The following ENY2 variants were observed in gnomAD, a reference collection of about 807,000 sequenced individuals.
ENY2 encodes ENY2 transcription and export complex 2 subunit, also known as transcription and mRNA export factor ENY2.
Under a neutral mutation model 15.9 loss-of-function variants are expected in ENY2, and 4 were observed. The ratio of observed to expected loss-of-function variants is 0.25; its 90% CI spans 0.12 to 0.57. The LOEUF is 0.57. ENY2 is among the 20% of genes least tolerant of loss of function. ENY2 has a pLI of 0.91. For missense variants in ENY2, 54 were observed against 117.2 expected, an observed-to-expected ratio of 0.46 and a Z score of 2.49; for synonymous variants, 48 against 38.0, an observed-to-expected ratio of 1.26 and a Z score of -0.97.
At chr8:109,341,685 T>C (rs1816115228) in intron 4 of ENY2, among the ~76,000 whole-genome samples, 1 of 152,182 alleles carries the variant, frequency 6.6e-6, no homozygotes, top group South Asian at 2.1e-4. Context: ...GAAGTAAAAA[T>C]AGATATTTTA....
At chr8:109,342,654 C>G (rs1486454770) in intron 4 of ENY2, 6 of 691,132 alleles carry the variant, frequency 8.7e-6, no homozygotes, top group African/African-American at 7.1e-5. Context: ...ACCACAGACA[C>G]ACACCACCAT....
At chr8:109,337,793 G>A (rs889515331) in intron 2 of ENY2, among the ~76,000 whole-genome samples, 3 of 152,158 alleles carry the variant, frequency 2.0e-5, no homozygotes, top group Non-Finnish European at 4.4e-5. Flanking sequence ...CAGCTACTCA[G>A]GAGGCTGAGG....
At chr8:109,337,415 A>G (rs1816009924) in intron 2 of ENY2, among the ~76,000 whole-genome samples, 1 of 151,654 alleles carries the variant, frequency 6.6e-6, no homozygotes, top group South Asian at 2.1e-4. Flanking sequence ...AGTTTCTATC[A>G]TATGCCATGC....
intron 2 of ENY2, 179 bp downstream of exon 2, chr8:109,336,383 G>C (rs941635849): frequency 3.5e-6 from 2 of 578,418 alleles, no homozygotes; most frequent in Non-Finnish European, 3.0e-6. Context: ...AGGACTTGGA[G>C]GGAAGTGGTG....
At chr8:109,337,402 C>T (rs1453830992) in intron 2 of ENY2, among the ~76,000 whole-genome samples, 2 of 151,216 alleles carry the variant, frequency 1.3e-5, no homozygotes, top group African/African-American at 4.9e-5. Flanking sequence ...CTTCAAGTTA[C>T]TGAGTTTCTA....
chr8:109,343,483 A>T lies in ENY2; in HGVS notation c.*2A>T. 6.2e-7 allele frequency: 1 copy of T among 1,606,862 alleles called. No individual in the cohort carries two copies. The highest frequency in any genetic ancestry group is 8.5e-7 in the Non-Finnish European group (1 of 1,177,432). ...CTTGCTCAGCATGCCAGCCTTTAAG[A>T]TTGAATTAGATTGTGTTGTTGTGGT... On this transcript the variant is annotated 3_prime_UTR_variant, in exon 5 of 5. Coordinates refer to ENST00000521688, the MANE Select transcript of ENY2 (RefSeq NM_020189.6).
At chr8:109,339,527 C>T in intron 3 of ENY2, 137 bp downstream of exon 3, 2 of 683,998 alleles carry the variant, frequency 2.9e-6, no homozygotes, top group Non-Finnish European at 2.3e-6. Flanking sequence ...GTAATGGTTT[C>T]CTCTTGGTGG....
rs1050989054 is a variant in ENY2 at position 109,344,772 on chromosome 8, T to G, written c.*1291T>G. The G allele has an allele frequency of 6.6e-6, 1 of 152,226 alleles. No individual in the cohort carries two copies. The highest frequency in any genetic ancestry group is 1.5e-5 in the Non-Finnish European group (1 of 68,048). 9.4% of individuals were successfully genotyped at this position (152,226 alleles called of 1,614,324 possible). ...TATAGCAAGGCTGTAAATTATCCAC[T>G]ACGTGCCCTCGTAATTGTCTTAGTT... On this transcript the variant is annotated 3_prime_UTR_variant, in exon 5 of 5. Transcript: ENST00000521688.
At position 109,343,730 on chromosome 8, in the gene ENY2, G is replaced by T; in HGVS notation, c.*249G>T. On this transcript the variant is annotated 3_prime_UTR_variant, in exon 5 of 5. Transcript: ENST00000521688. The stretch of plus-strand genomic sequence containing the variant: ...TCTTTATTACTAATTCACCAAATTT[G>T]TTGAGCGCAAAAGCAATTAATGTAG... 2.4e-6 allele frequency: 1 copy of T among 417,226 alleles called. No homozygotes were observed. The highest frequency in any genetic ancestry group is 3.7e-5 in the South Asian group (1 of 26,746). 25.8% of individuals were successfully genotyped at this position (417,226 alleles called of 1,614,324 possible).
Position 109,344,229 on chromosome 8 carries a change from A to G in ENY2, c.*748A>G, listed in dbSNP as rs1816184525. On this transcript the variant is annotated 3_prime_UTR_variant, in exon 5 of 5. Coordinates refer to ENST00000521688, the MANE Select transcript of ENY2 (RefSeq NM_020189.6). ...AAATGCGAATGTTGACCATCCTGCC[A>G]CTTGGAACTCTCTTCCCACTCCTCA... The G allele has an allele frequency of 6.6e-6, 1 of 152,268 alleles. No homozygotes were observed. The highest frequency in any genetic ancestry group is 1.9e-4 in the East Asian group (1 of 5,194). 9.4% of individuals were successfully genotyped at this position (152,268 alleles called of 1,614,324 possible). A position where few individuals can be genotyped will look rare whatever the true frequency, so the allele number is the denominator to read the frequency against.
At chr8:109,336,612 C>G (rs1259211501) in intron 2 of ENY2, 1 of 163,548 alleles carries the variant, frequency 6.1e-6, no homozygotes, top group Non-Finnish European at 1.3e-5. Flanking sequence ...TTAGCTAATT[C>G]TAGCTCAACT....
Position 109,344,686 on chromosome 8 carries a change from T to C in ENY2, c.*1205T>C, listed in dbSNP as rs1211537321. The C allele has an allele frequency of 2.6e-5, 4 of 152,218 alleles. No individual in the cohort carries two copies. The highest frequency in any genetic ancestry group is 5.9e-5 in the Non-Finnish European group (4 of 68,056). The allele number at this position is 152,218 out of a possible 1,614,324, so 9.4% of individuals were successfully genotyped here. A position where few individuals can be genotyped will look rare whatever the true frequency, so the allele number is the denominator to read the frequency against. On this transcript the variant is annotated 3_prime_UTR_variant, in exon 5 of 5. Coordinates refer to ENST00000521688, the MANE Select transcript of ENY2 (RefSeq NM_020189.6). The stretch of plus-strand genomic sequence containing the variant: ...AAGATAAGGGGCATGGCTTTAAGAT[T>C]CTGTATTTCTGGCGAGTACCCAACT...
intron 1 of ENY2, 65 bp downstream of exon 1, chr8:109,334,539 T>C: frequency 3.9e-6 from 6 of 1,558,244 alleles, no homozygotes; most frequent in Non-Finnish European, 5.2e-6. Flanking sequence ...TTCGATGTAC[T>C]GTCTTTCGTT....
chr8:109,336,987 C>T (rs546889789), intron 2 of ENY2, among the ~76,000 whole-genome samples: 1 of 151,578 alleles, frequency 6.6e-6, no homozygotes, highest in East Asian at 1.9e-4. Context: ...TCAACCCGGG[C>T]ATTCAGGTGA....
intron 4 of ENY2, chr8:109,342,762 C>G (rs1393607781): frequency 2.9e-6 from 2 of 696,726 alleles, no homozygotes; most frequent in Non-Finnish European, 5.2e-6. Context: ...CCTCAACCTT[C>G]CAGACTGCTG....
At position 109,344,865 on chromosome 8, in the gene ENY2, C is replaced by T. The variant is rs971409516; in HGVS notation, c.*1384C>T. On this transcript the variant is annotated 3_prime_UTR_variant, in exon 5 of 5. Coordinates refer to ENST00000521688, the MANE Select transcript of ENY2 (RefSeq NM_020189.6). ...AGTTGATCTGTGACCCCTCCAATAT[C>T]TATTCCACACTGTTGCCTAAGTGGC... 1 of 152,222 alleles carries T rather than the reference C, an allele frequency of 6.6e-6. No individual in the cohort carries two copies. The highest frequency in any genetic ancestry group is 1.5e-5 in the Non-Finnish European group (1 of 68,040). The allele number at this position is 152,222 out of a possible 1,614,324, so 9.4% of individuals were successfully genotyped here. A position where few individuals can be genotyped will look rare whatever the true frequency, so the allele number is the denominator to read the frequency against.
At position 109,336,204 on chromosome 8, in the gene ENY2, G is replaced by C; in HGVS notation, c.83G>C (p.Arg28Pro). 6.2e-7 allele frequency: 1 copy of C among 1,610,694 alleles called. No individual in the cohort carries two copies. The highest frequency in any genetic ancestry group is 1.1e-5 in the South Asian group (1 of 90,776). ...TTGATAGAAACTGGAGAAAGAGAACGGTAAGTAATAGATTGTGTTAATAAA... is the reference window on the plus strand; with the variant it reads ...TTGATAGAAACTGGAGAAAGAGAACCGTAAGTAATAGATTGTGTTAATAAA... Reference protein sequence around the residue: ...QKLIETGERERLKELLRAKLI... With the variant: ...QKLIETGEREPLKELLRAKLI... Residue 28 changes from arginine (R) to proline (P), a missense_variant and splice_region_variant, in exon 2 of 5, where the codon CGC becomes CCC. Transcript: ENST00000521688.
In ENY2 at chr8:109,344,635, A is replaced by T. The variant is rs956675201; in HGVS notation, c.*1154A>T. 6.6e-6 allele frequency: 1 copy of T among 152,178 alleles called. No homozygotes were observed. Among genetic ancestry groups the T allele is most frequent in the Non-Finnish European group, 1.5e-5 (1 of 68,026 alleles). 9.4% of individuals were successfully genotyped at this position (152,178 alleles called of 1,614,324 possible). On this transcript the variant is annotated 3_prime_UTR_variant, in exon 5 of 5. Transcript: ENST00000521688. Reference sequence around the variant, plus strand: ...ACCTCCTAGCTATATAGATTATCTGAGGAGCTTACTGAAATGCTGATTCTG... The same window carrying T: ...ACCTCCTAGCTATATAGATTATCTGTGGAGCTTACTGAAATGCTGATTCTG...
rs1816210379 is a variant in ENY2 at position 109,345,034 on chromosome 8, AGTT to A, written c.*1557_*1559del. 6 of 152,280 alleles carry A rather than the reference AGTT, an allele frequency of 3.9e-5. No individual in the cohort carries two copies. In the South Asian group the frequency reaches 1.0e-3, roughly 26 times the overall value. 9.4% of individuals were successfully genotyped at this position (152,280 alleles called of 1,614,324 possible). A position where few individuals can be genotyped will look rare whatever the true frequency, so the allele number is the denominator to read the frequency against. On this transcript the variant is annotated 3_prime_UTR_variant, in exon 5 of 5. Transcript: ENST00000521688. ...TTAGACTAAAGAATCCCCACTATGA[AGTT>A]GTTTCATCCGTAAGTACCTTTGAAC... is the stretch of plus-strand genomic sequence containing the variant.
Sources: allele counts gnomAD v4.1 joint callset (sites outside exome capture counted in the v4.1 genomes callset), GRCh38; gene constraint gnomAD v4.1.1; transcripts MANE v1.5; gene names NCBI Gene and HGNC (gene_info 2026-07-23, HGNC 2026-07-21).